MYBPC1: variants seen among roughly 807,000 people sequenced by gnomAD.
The protein encoded by MYBPC1 is myosin binding protein C1, also known as myosin-binding protein C, slow-type.
MYBPC1 carries 52 observed loss-of-function variants against 147.1 expected under a neutral mutation model. That is an observed-to-expected ratio of 0.35 (90% CI 0.28 to 0.45). The LOEUF (loss-of-function observed/expected upper bound fraction) is 0.45. MYBPC1 is among the 20% of genes least tolerant of loss of function. The pLI is 1.00. For missense variants in MYBPC1, 1,228 were observed against 1,440.3 expected, an observed-to-expected ratio of 0.85 and a Z score of 2.39; for synonymous variants, 477 against 475.9, an observed-to-expected ratio of 1.00 and a Z score of -0.03.
chr12:101,615,207 G>T (rs1885564415), intron 2 of MYBPC1, among the ~76,000 whole-genome samples: 1 of 152,108 alleles, frequency 6.6e-6, no homozygotes, highest in African/African-American at 2.4e-5. Context: ...AAGAAGAAAA[G>T]AAAATTAAAA....
intron 10 of MYBPC1, among the ~76,000 whole-genome samples, chr12:101,640,166 C>T (rs1287516517): frequency 4.6e-5 from 7 of 152,144 alleles, no homozygotes; most frequent in African/African-American, 1.7e-4. Flanking sequence ...CATGCGCCAC[C>T]ATGCCCAGCT....
chr12:101,613,646 A>G (rs1349057181), intron 1 of MYBPC1, among the ~76,000 whole-genome samples: 1 of 152,186 alleles, frequency 6.6e-6, no homozygotes, highest in Non-Finnish European at 1.5e-5. Context: ...CCTACTTGGA[A>G]ATAGTATGTT....
chr12:101,671,744 T>G (rs567172219), intron 24 of MYBPC1, among the ~76,000 whole-genome samples: 2 of 152,180 alleles, frequency 1.3e-5, no homozygotes, highest in African/African-American at 4.8e-5. Context: ...TCTGGGGGTC[T>G]GCGTGTTCAG....
chr12:101,647,555 A>G (rs1449629769), intron 13 of MYBPC1, among the ~76,000 whole-genome samples: 4 of 152,068 alleles, frequency 2.6e-5, no homozygotes, highest in Non-Finnish European at 5.9e-5. Flanking sequence ...CCTGCTATTT[A>G]TTTTGCCAAG....
chr12:101,674,572 A>C (rs1310503478), intron 25 of MYBPC1, among the ~76,000 whole-genome samples: 2 of 152,130 alleles, frequency 1.3e-5, no homozygotes, highest in African/African-American at 2.4e-5. Context: ...TTGCAACGTC[A>C]AGAAATAAAT....
In MYBPC1 at chr12:101,617,298, G is replaced by C. The variant is rs994959018; in HGVS notation, c.103+55G>C. The C allele has an allele frequency of 9.6e-6, 15 of 1,567,654 alleles. No individual in the cohort carries two copies. In the Admixed American group the frequency reaches 2.5e-4, roughly 27 times the overall value. On this transcript the variant is annotated intron_variant, in intron 3 of 31. Coordinates refer to ENST00000361466, the MANE Select transcript of MYBPC1 (RefSeq NM_002465.4). ...AAGTCAACAAAATTAGAAGCAGAAAGAAGTCAGTAATGATTGTCATGGTGG... is the reference window on the plus strand; with the variant it reads ...AAGTCAACAAAATTAGAAGCAGAAACAAGTCAGTAATGATTGTCATGGTGG...
intron 5 of MYBPC1, among the ~76,000 whole-genome samples, chr12:101,628,583 T>A (rs1468166213): frequency 6.6e-6 from 1 of 152,174 alleles, no homozygotes; most frequent in African/African-American, 2.4e-5. Context: ...GTTGGCAACC[T>A]ATGCATTTTT....
intron 8 of MYBPC1, among the ~76,000 whole-genome samples, chr12:101,634,143 G>A (rs1890531373): frequency 6.6e-6 from 1 of 152,034 alleles, no homozygotes; most frequent in Admixed American, 6.5e-5. Flanking sequence ...CTCGTGATCC[G>A]CCCGCCTCGG....
At chr12:101,620,499 G>A (rs985830637) in intron 3 of MYBPC1, among the ~76,000 whole-genome samples, 1 of 152,188 alleles carries the variant, frequency 6.6e-6, no homozygotes, top group African/African-American at 2.4e-5. Flanking sequence ...CATCAACAGA[G>A]GAAGGTGGAT....
chr12:101,678,584 A>G (rs562988982), intron 28 of MYBPC1, among the ~76,000 whole-genome samples: 1 of 152,338 alleles, frequency 6.6e-6, no homozygotes, highest in Non-Finnish European at 1.5e-5. Flanking sequence ...CAACAATCAC[A>G]CTACACTGTC....
chr12:101,626,227 T>C (rs983844543), intron 3 of MYBPC1, among the ~76,000 whole-genome samples: 3 of 152,202 alleles, frequency 2.0e-5, no homozygotes, highest in African/African-American at 7.2e-5. Flanking sequence ...CAGATGTTTT[T>C]TAAAAGGGAA....
chr12:101,642,479 G>A lies in MYBPC1; in HGVS notation c.726G>A (p.Ala242=), dbSNP rs1177655044. 6.2e-7 allele frequency: 1 copy of A among 1,613,954 alleles called. No individual in the cohort carries two copies. The highest frequency in any genetic ancestry group is 8.5e-7 in the Non-Finnish European group (1 of 1,180,038). ...ACGTATGGGAGTTGCTGAAGAACGC[G>A]AAACCCAGTGAGTACGAGAAGATCG... ...QVDVWELLKN[A]KPSEYEKIAF... is the part of the protein sequence containing the mutation. Residue 242 remains alanine (A), a synonymous_variant, in exon 11 of 32, where the codon GCG becomes GCA. Transcript: ENST00000361466.
downstream of MYBPC1, among the ~76,000 whole-genome samples, chr12:101,688,965 A>T (rs1027574716): frequency 7.8e-6 from 1 of 128,530 alleles, no homozygotes; most frequent in South Asian, 2.9e-4. Context: ...AAAAAAAAAA[A>T]AAAGAAAAAG....
chr12:101,643,613 G>A (rs1340851322), intron 11 of MYBPC1, among the ~76,000 whole-genome samples: 2 of 152,076 alleles, frequency 1.3e-5, no homozygotes, highest in African/African-American at 4.8e-5. Context: ...ATGACAACAT[G>A]AAGCATTTCA....
chr12:101,637,187 A>G (rs933051708), intron 10 of MYBPC1: 1 of 157,178 alleles, frequency 6.4e-6, no homozygotes, highest in Admixed American at 6.0e-5. Flanking sequence ...TCACTAAGCA[A>G]TGAAAAAATT....
chr12:101,644,764 T>A lies in MYBPC1; in HGVS notation c.933T>A (p.Tyr311Ter). 6.2e-7 allele frequency: 1 copy of A among 1,614,060 alleles called. No homozygotes were observed. The change falls in exon 12 of 32, where the codon TAT (tyrosine) becomes TAA (stop). Residue 311 changes from tyrosine (Y) to a stop codon, truncating the protein, a stop_gained. Coordinates refer to ENST00000361466, the MANE Select transcript of MYBPC1 (RefSeq NM_002465.4). LOFTEE classifies it high-confidence loss of function. ...LADPKLEVKW[Y>*]KNGQEIRPST... ...ATCCAAAGTTGGAGGTGAAATGGTA[T>A]AAAAATGGTCAAGAAATTCGACCCA...
At chr12:101,599,677 C>G (rs1420123782) in intron 1 of MYBPC1, among the ~76,000 whole-genome samples, 1 of 151,220 alleles carries the variant, frequency 6.6e-6, no homozygotes, top group Non-Finnish European at 1.5e-5. Flanking sequence ...ATGCAGAAAA[C>G]TAAGAGAAAG....
intron 1 of MYBPC1, among the ~76,000 whole-genome samples, chr12:101,604,250 T>C (rs1459465671): frequency 6.6e-6 from 1 of 152,084 alleles, no homozygotes; most frequent in Non-Finnish European, 1.5e-5. Context: ...AATGACATCC[T>C]GAGATGAAAC....
At chr12:101,612,779 A>G (rs1287225056) in intron 1 of MYBPC1, among the ~76,000 whole-genome samples, 1 of 152,224 alleles carries the variant, frequency 6.6e-6, no homozygotes, top group Non-Finnish European at 1.5e-5. Context: ...TGCTGCAACA[A>G]CTTATTCAAA....
Sources: gnomAD v4.1 joint callset for allele counts (sites outside exome capture counted in the v4.1 genomes callset) on GRCh38, gnomAD v4.1.1 for gene constraint, MANE v1.5 for transcripts, NCBI Gene and HGNC (gene_info 2026-07-23, HGNC 2026-07-21) for gene names.